SORCS3: variants seen among roughly 807,000 people sequenced by gnomAD.
The protein encoded by SORCS3 is sortilin related VPS10 domain containing receptor 3, also known as VPS10 domain-containing receptor SorCS3.
SORCS3 carries 57 observed loss-of-function variants against 146.3 expected under a neutral mutation model. The observed-to-expected ratio is 0.39, with a 90% CI of 0.31 to 0.49. The LOEUF is 0.49. Ranked by LOEUF, SORCS3 falls within the 20% of genes least tolerant of loss-of-function variation. The probability of loss-of-function intolerance (pLI) is 0.92; values close to 1 mark genes in which losing one functional copy is unlikely to be tolerated. For synonymous variants in SORCS3, 653 were observed against 618.5 expected (o/e 1.06, Z -0.83); for missense variants, 1,341 against 1,575.5 (o/e 0.85, Z 2.52).
At chr10:104,745,891 T>G (rs1430065350) in intron 1 of SORCS3, among the ~76,000 whole-genome samples, 2 of 152,202 alleles carry the variant, frequency 1.3e-5, no homozygotes, top group African/African-American at 2.4e-5. Context: ...TTCTTGTATG[T>G]TGTCACAAAT....
At chr10:104,749,726 G>C (rs966673141) in intron 1 of SORCS3, among the ~76,000 whole-genome samples, 1 of 152,158 alleles carries the variant, frequency 6.6e-6, no homozygotes, top group Non-Finnish European at 1.5e-5. Context: ...TGACTCCAAA[G>C]CCAGTGCAAT....
chr10:105,160,297 G>A (rs1181043733), intron 11 of SORCS3, among the ~76,000 whole-genome samples: 1 of 152,156 alleles, frequency 6.6e-6, no homozygotes. Flanking sequence ...CAAAATAATA[G>A]AATTGCAGGA....
At chr10:105,240,972 A>G (rs1239303676) in intron 20 of SORCS3, among the ~76,000 whole-genome samples, 2 of 151,202 alleles carry the variant, frequency 1.3e-5, no homozygotes, top group African/African-American at 4.9e-5. Flanking sequence ...ATCTATATCT[A>G]TATCTATATA....
intron 1 of SORCS3, among the ~76,000 whole-genome samples, chr10:104,820,748 T>C (rs941154202): frequency 1.3e-5 from 2 of 152,240 alleles, no homozygotes; most frequent in Non-Finnish European, 2.9e-5. Flanking sequence ...CACTTGCTCT[T>C]AAATATCTCA....
intron 2 of SORCS3, among the ~76,000 whole-genome samples, chr10:104,891,663 G>T (rs1396371509): frequency 3.9e-5 from 6 of 152,084 alleles, no homozygotes; most frequent in African/African-American, 1.4e-4. Context: ...TTCTTAAATT[G>T]TTTCATGTGA....
chr10:105,253,628 T>C (rs1188483452), intron 23 of SORCS3, among the ~76,000 whole-genome samples: 1 of 152,152 alleles, frequency 6.6e-6, no homozygotes, highest in Non-Finnish European at 1.5e-5. Context: ...GCAATAGAAA[T>C]AAGTGAGCAT....
rs148482087 is a variant in SORCS3 at position 105,183,630 on chromosome 10, C to T, written c.2009+5457C>T. Among the ~76,000 whole-genome samples, 546 of 152,230 alleles carry T rather than the reference C, an allele frequency of 3.6e-3. 7 individuals are homozygous for T. Among genetic ancestry groups the T allele is most frequent in the East Asian group, 0.025 (127 of 5,166 alleles). ...GCCCAAAGTAAGTCATTCGAGTAAT[C>T]GGCAAATCCGGTGGAACTCCCAAGT... is the stretch of plus-strand genomic sequence containing the variant. On this transcript the variant is annotated intron_variant, in intron 14 of 26. Transcript: ENST00000369701.
chr10:104,792,848 C>T (rs2017510427), intron 1 of SORCS3, among the ~76,000 whole-genome samples: 2 of 152,030 alleles, frequency 1.3e-5, no homozygotes, highest in South Asian at 4.1e-4. Context: ...ATTCTTCCTC[C>T]CCAGGAAGAC....
intron 1 of SORCS3, among the ~76,000 whole-genome samples, chr10:104,727,911 TC>T (rs576018632): frequency 8.5e-4 from 130 of 152,240 alleles, no homozygotes; most frequent in African/African-American, 2.8e-3. Context: ...AATAGTTTCA[TC>T]CTGAAACCAT....
chr10:104,940,612 A>G (rs2019311205), intron 3 of SORCS3, among the ~76,000 whole-genome samples: 1 of 151,974 alleles, frequency 6.6e-6, no homozygotes, highest in East Asian at 1.9e-4. Flanking sequence ...CATGGTATAT[A>G]TGTGCCACAT....
At chr10:104,978,917 T>C (rs7914674) in intron 4 of SORCS3, among the ~76,000 whole-genome samples, 55,273 of 152,078 alleles carry the variant, frequency 0.36, 15,254 homozygotes, top group African/African-American at 0.78. Flanking sequence ...TCTCTCCTGG[T>C]TCACTGTTAT....
intron 19 of SORCS3, among the ~76,000 whole-genome samples, 169 bp downstream of exon 19, chr10:105,217,291 T>C (rs554526870): frequency 9.2e-5 from 14 of 152,362 alleles, no homozygotes; most frequent in African/African-American, 2.9e-4. Flanking sequence ...ATTATGGTAC[T>C]GAAATAGATT....
rs567516460 is a variant in SORCS3, at chr10:104,723,038, T to C, written c.627+81084T>C. On this transcript the variant is annotated intron_variant, in intron 1 of 26. Coordinates refer to ENST00000369701, the MANE Select transcript of SORCS3 (RefSeq NM_014978.3). Reference sequence around the variant, plus strand: ...TCTGCTAGCTTTTGAATGTGATTGCTCTTGCTTCTCTAGTTCTTTTAATGG... The same window carrying C: ...TCTGCTAGCTTTTGAATGTGATTGCCCTTGCTTCTCTAGTTCTTTTAATGG... Among the ~76,000 whole-genome samples, 6 of 152,324 alleles carry C rather than the reference T, an allele frequency of 3.9e-5. No homozygotes were observed. The East Asian group carries it at 1.2e-3, about 29-fold the overall frequency.
chr10:105,181,650 T>C (rs888588785), intron 14 of SORCS3, among the ~76,000 whole-genome samples: 1 of 152,210 alleles, frequency 6.6e-6, no homozygotes, highest in African/African-American at 2.4e-5. Context: ...TACTACTGTC[T>C]TTTCAGATGT....
At chr10:105,072,501 G>A (rs987465117) in intron 5 of SORCS3, among the ~76,000 whole-genome samples, 7 of 152,072 alleles carry the variant, frequency 4.6e-5, no homozygotes, top group Non-Finnish European at 7.4e-5. Context: ...ACAAGCATGA[G>A]CAGTATCTCA....
intron 1 of SORCS3, among the ~76,000 whole-genome samples, chr10:104,643,861 T>A (rs1283093004): frequency 6.6e-6 from 1 of 152,096 alleles, no homozygotes; most frequent in Non-Finnish European, 1.5e-5. Flanking sequence ...TACTGCCACA[T>A]TAGGACAATA....
chr10:104,749,264 T>TGTGTGTAA (rs1402023656), intron 1 of SORCS3, among the ~76,000 whole-genome samples: 1 of 150,128 alleles, frequency 6.7e-6, no homozygotes, highest in Non-Finnish European at 1.5e-5. Flanking sequence ...TGTGTGTGTG[T>TGTGTGTAA]GTGTAATGGT....
chr10:104,824,833 C>A (rs759847120), intron 1 of SORCS3, among the ~76,000 whole-genome samples: 20 of 152,162 alleles, frequency 1.3e-4, no homozygotes, highest in Non-Finnish European at 1.9e-4. Context: ...CTCCTGAGAC[C>A]CAAGAGGGAG....
At chr10:104,736,589 G>A (rs975527200) in intron 1 of SORCS3, among the ~76,000 whole-genome samples, 2 of 152,076 alleles carry the variant, frequency 1.3e-5, no homozygotes, top group Admixed American at 6.5e-5. Flanking sequence ...AACATCTATG[G>A]CATTATAGTA....
Sources: allele counts gnomAD v4.1 joint callset (sites outside exome capture counted in the v4.1 genomes callset), GRCh38; gene constraint gnomAD v4.1.1; transcripts MANE v1.5; gene names NCBI Gene and HGNC (gene_info 2026-07-23, HGNC 2026-07-21).